The following RIMS1 variants were observed in gnomAD, a reference collection of about 807,000 sequenced individuals.
The protein encoded by RIMS1 is regulating synaptic membrane exocytosis 1, also known as regulating synaptic membrane exocytosis protein 1.
In RIMS1, 83 loss-of-function variants were observed where a neutral mutation model predicts 214.1. The ratio of observed to expected loss-of-function variants is 0.39; its 90% CI spans 0.32 to 0.47. The LOEUF (loss-of-function observed/expected upper bound fraction) is 0.47. Ranked by LOEUF, RIMS1 falls within the 20% of genes least tolerant of loss-of-function variation. The pLI is 0.99. For synonymous variants in RIMS1, 793 were observed against 786.8 expected (o/e 1.01, Z -0.13); for missense variants, 2,050 against 2,161.8 (o/e 0.95, Z 1.03).
intron 2 of RIMS1, among the ~76,000 whole-genome samples, chr6:72,040,393 G>C (rs1478717292): frequency 1.3e-5 from 2 of 152,000 alleles, no homozygotes; most frequent in African/African-American, 4.8e-5. Flanking sequence ...ATAATGTGAT[G>C]TTTGGAAATG....
At chr6:72,306,047 G>T (rs776534362) in intron 26 of RIMS1, among the ~76,000 whole-genome samples, 1 of 152,018 alleles carries the variant, frequency 6.6e-6, no homozygotes, top group Non-Finnish European at 1.5e-5. Context: ...TATAATCAAG[G>T]ATGATAGGCC....
intron 2 of RIMS1, among the ~76,000 whole-genome samples, chr6:72,087,218 C>A (rs62409484): frequency 0.34 from 51,136 of 152,078 alleles, 10,092 homozygotes; most frequent in South Asian, 0.47. Flanking sequence ...GTTCAAGATG[C>A]TTTTATAACC....
chr6:72,196,131 A>G (rs748792772), intron 6 of RIMS1, among the ~76,000 whole-genome samples: 19 of 152,134 alleles, frequency 1.2e-4, no homozygotes, highest in Non-Finnish European at 2.1e-4. Context: ...TGGTTTATGT[A>G]TATTTCCTGG....
intron 29 of RIMS1, among the ~76,000 whole-genome samples, chr6:72,357,032 C>T (rs1240904625): frequency 6.6e-6 from 1 of 152,122 alleles, no homozygotes; most frequent in African/African-American, 2.4e-5. Context: ...GGATCTGTGA[C>T]TACAGGATAA....
chr6:71,965,866 C>T (rs1344933101), intron 1 of RIMS1, among the ~76,000 whole-genome samples: 1 of 152,024 alleles, frequency 6.6e-6, no homozygotes, highest in Non-Finnish European at 1.5e-5. Context: ...CTCCTTATGT[C>T]GGGCTGAAGG....
chr6:72,035,022 A>C (rs1585316805), intron 2 of RIMS1, among the ~76,000 whole-genome samples: 1 of 152,190 alleles, frequency 6.6e-6, no homozygotes, highest in South Asian at 2.1e-4. Flanking sequence ...AGTTGCTGAC[A>C]GCTGAGAGCC....
chr6:72,315,645 A>G (rs979062531), intron 28 of RIMS1, among the ~76,000 whole-genome samples: 4 of 152,170 alleles, frequency 2.6e-5, no homozygotes, highest in Admixed American at 1.3e-4. Flanking sequence ...ATCCCTTCAT[A>G]TGCATTCTTC....
rs566285505 is a variant in RIMS1, at chr6:72,041,649, C to T, written c.246-55300C>T. 7.2e-5 allele frequency among the ~76,000 whole-genome samples: 11 copies of T among 151,962 alleles called. No homozygotes were observed. In the East Asian group the frequency reaches 1.2e-3, roughly 16 times the overall value. Reference sequence around the variant, plus strand: ...CCCTCTTCCATGCAAGTGAGGTCTCCTTCCACACAACTAAGCCTTCACTGA... The same window carrying T: ...CCCTCTTCCATGCAAGTGAGGTCTCTTTCCACACAACTAAGCCTTCACTGA... On this transcript the variant is annotated intron_variant, in intron 2 of 33. Coordinates refer to ENST00000521978, the MANE Select transcript of RIMS1 (RefSeq NM_014989.7).
chr6:72,120,437 C>T lies in RIMS1; in HGVS notation c.471+20451C>T, dbSNP rs2038019323. On this transcript the variant is annotated intron_variant, in intron 4 of 33. Transcript: ENST00000521978. ...GAGCATTTTTTCATGTGTTTGTTGG[C>T]TGCATAAACGTCTTCTTTTGAGAAG... 2.0e-5 allele frequency among the ~76,000 whole-genome samples: 3 copies of T among 152,094 alleles called. No individual in the cohort carries two copies. In the South Asian group the frequency reaches 6.2e-4, roughly 32 times the overall value.
In RIMS1 at chr6:72,212,888, T is replaced by A. The variant is rs536040217; in HGVS notation, c.1679-20885T>A. The stretch of plus-strand genomic sequence containing the variant: ...TATTTTATCCAAGCAGTCCTTTGGG[T>A]AACTGCACAGTGCCTGCAGTGACCT... On this transcript the variant is annotated intron_variant, in intron 6 of 33. Coordinates refer to ENST00000521978, the MANE Select transcript of RIMS1 (RefSeq NM_014989.7). The A allele has an allele frequency of 9.1e-5, 112 of 1,224,220 alleles. 1 individual carries two copies. In the South Asian group the frequency reaches 1.3e-3, roughly 14 times the overall value. 75.8% of individuals were successfully genotyped at this position (1,224,220 alleles called of 1,614,324 possible).
intron 23 of RIMS1, among the ~76,000 whole-genome samples, chr6:72,280,139 A>G (rs1349384525): frequency 6.6e-6 from 1 of 151,942 alleles, no homozygotes; most frequent in East Asian, 1.9e-4. Flanking sequence ...TTTAATGATA[A>G]TACTCAAAAT....
intron 6 of RIMS1, among the ~76,000 whole-genome samples, chr6:72,192,788 G>T (rs1291096787): frequency 6.6e-6 from 1 of 152,126 alleles, no homozygotes; most frequent in Non-Finnish European, 1.5e-5. Context: ...GGGCTGAAAG[G>T]CTAAGCCAGT....
intron 2 of RIMS1, among the ~76,000 whole-genome samples, chr6:72,014,687 A>G (rs502506): frequency 0.43 from 64,961 of 152,000 alleles, 14,769 homozygotes; most frequent in Non-Finnish European, 0.5. Flanking sequence ...TTCCAAAGTG[A>G]CTGCATCACT....
At chr6:71,902,086 G>T (rs1371615406) in intron 1 of RIMS1, among the ~76,000 whole-genome samples, 2 of 152,186 alleles carry the variant, frequency 1.3e-5, no homozygotes, top group East Asian at 3.9e-4. Context: ...AATGGATAAA[G>T]TTAAGAATGT....
chr6:72,401,624 T>C lies in RIMS1; in HGVS notation c.*910T>C, dbSNP rs1261251627. 2.0e-5 allele frequency: 3 copies of C among 152,788 alleles called. No individual in the cohort carries two copies. Among genetic ancestry groups the C allele is most frequent in the African/African-American group, 7.2e-5 (3 of 41,588 alleles). The allele number at this position is 152,788 out of a possible 1,614,324, so 9.5% of individuals were successfully genotyped here. A position where few individuals can be genotyped will look rare whatever the true frequency, so the allele number is the denominator to read the frequency against. On this transcript the variant is annotated 3_prime_UTR_variant, in exon 34 of 34. Transcript: ENST00000521978. Reference sequence around the variant, plus strand: ...TGTACTTTGAAAACACTCCTTGTAATGCCTTTTTCTTCCTGATATTAAAAA... The same window carrying C: ...TGTACTTTGAAAACACTCCTTGTAACGCCTTTTTCTTCCTGATATTAAAAA...
At chr6:71,978,763 T>C (rs996578553) in intron 2 of RIMS1, among the ~76,000 whole-genome samples, 2 of 152,108 alleles carry the variant, frequency 1.3e-5, no homozygotes, top group African/African-American at 4.8e-5. Flanking sequence ...AGATGTTTAA[T>C]GTCACAGGCT....
chr6:72,322,416 A>T (rs909122574), intron 28 of RIMS1, among the ~76,000 whole-genome samples: 5 of 152,144 alleles, frequency 3.3e-5, no homozygotes, highest in African/African-American at 1.2e-4. Context: ...TGTCTTCATT[A>T]TGAAATCCTA....
chr6:72,397,805 AATAG>A (rs1045656980), intron 31 of RIMS1, among the ~76,000 whole-genome samples: 10 of 150,902 alleles, frequency 6.6e-5, no homozygotes, highest in East Asian at 1.9e-4. Flanking sequence ...TAGATAGATA[AATAG>A]ATAGATAGAC....
intron 6 of RIMS1, among the ~76,000 whole-genome samples, chr6:72,221,595 G>A (rs1414687282): frequency 2.0e-5 from 3 of 151,920 alleles, no homozygotes; most frequent in Non-Finnish European, 4.4e-5. Context: ...TTATTTATAA[G>A]CTAAATGCTA....
Sources: gnomAD v4.1 joint callset for allele counts (sites outside exome capture counted in the v4.1 genomes callset) on GRCh38, gnomAD v4.1.1 for gene constraint, MANE v1.5 for transcripts, NCBI Gene and HGNC (gene_info 2026-07-23, HGNC 2026-07-21) for gene names.